Variants in FKBP4 observed in about 807,000 individuals in gnomAD.
The protein encoded by FKBP4 is FKBP prolyl isomerase 4, also known as peptidyl-prolyl cis-trans isomerase FKBP4.
A neutral mutation model predicts 54.1 loss-of-function variants in FKBP4; 28 were observed. The observed-to-expected ratio is 0.52, with a 90% CI of 0.38 to 0.71. The LOEUF (loss-of-function observed/expected upper bound fraction) is 0.71. Ranked by LOEUF, FKBP4 falls within the 30% of genes least tolerant of loss-of-function variation. The pLI, the probability that FKBP4 is intolerant of heterozygous loss-of-function variation, is 0.00. For synonymous variants in FKBP4, 223 were observed against 216.1 expected (o/e 1.03, Z -0.28); for missense variants, 493 against 574.4 (o/e 0.86, Z 1.45).
intron 9 of FKBP4, 69 bp downstream of exon 9, chr12:2,801,425 G>T (rs1485099401): frequency 6.3e-7 from 1 of 1,598,358 alleles, no homozygotes; most frequent in Non-Finnish European, 8.6e-7. Flanking sequence ...TGGGCTCTTT[G>T]TGCCTTTGGT....
intron 9 of FKBP4, among the ~76,000 whole-genome samples, chr12:2,802,696 A>T (rs1232823439): frequency 1.3e-5 from 2 of 152,198 alleles, no homozygotes; most frequent in Admixed American, 6.5e-5. Flanking sequence ...GAATAACCTC[A>T]TGAGTTCATA....
intron 1 of FKBP4, chr12:2,796,153 C>T (rs2097901718): frequency 2.4e-6 from 3 of 1,265,384 alleles, no homozygotes; most frequent in Non-Finnish European, 3.1e-6. Flanking sequence ...ATGCCTTCTC[C>T]CCATCCGCTG....
intron 5 of FKBP4, 147 bp from the exon 6 acceptor site, chr12:2,799,703 T>C: frequency 2.9e-6 from 2 of 685,984 alleles, no homozygotes; most frequent in South Asian, 3.6e-5. Context: ...TCTGACAGTG[T>C]GAAGAGGCCA....
At chr12:2,800,340 GC>G in intron 7 of FKBP4, 51 bp from the exon 8 acceptor site, 1 of 1,560,218 alleles carries the variant, frequency 6.4e-7, no homozygotes. Flanking sequence ...GGGTATAAGA[GC>G]CTAGTACCAC....
At chr12:2,801,468 CT>C in intron 9 of FKBP4, 112 bp downstream of exon 9, 1 of 1,500,096 alleles carries the variant, frequency 6.7e-7, no homozygotes, top group South Asian at 1.2e-5. Flanking sequence ...CAGAAGTTGC[CT>C]TTTCCCTGGA....
In FKBP4 at chr12:2,795,012, C is replaced by A. The variant is rs899931907; in HGVS notation, c.-128C>A. 9 of 416,686 alleles carry A rather than the reference C, an allele frequency of 2.2e-5. No homozygotes were observed. The highest frequency in any genetic ancestry group is 1.5e-4 in the African/African-American group (7 of 47,560). 25.8% of individuals were successfully genotyped at this position (416,686 alleles called of 1,614,324 possible). A position where few individuals can be genotyped will look rare whatever the true frequency, so the allele number is the denominator to read the frequency against. On this transcript the variant is annotated 5_prime_UTR_variant, in exon 1 of 10. Transcript: ENST00000001008. The surrounding 1 kb of genome is among the most constrained non-coding windows in gnomAD (Gnocchi z 4.3). ...GCCGCGTGCAGAGGTGCTCAAGCCTCCTCGCGGTCCGCAGTCAGTGCCGCC... is the reference window on the plus strand; with the variant it reads ...GCCGCGTGCAGAGGTGCTCAAGCCTACTCGCGGTCCGCAGTCAGTGCCGCC...
At position 2,795,103 on chromosome 12, in the gene FKBP4, G is replaced by T. The variant is rs369642045; in HGVS notation, c.-37G>T. 1 of 1,256,060 alleles carries T rather than the reference G, an allele frequency of 8.0e-7. No individual in the cohort carries two copies. Among genetic ancestry groups the T allele is most frequent in the East Asian group, 3.0e-5 (1 of 33,188 alleles). The allele number at this position is 1,256,060 out of a possible 1,614,324, so 77.8% of individuals were successfully genotyped here. ...CCGCGGCCCAGAGTGCGCTCGCGCC[G>T]GCACCAGCTCCCGGATAAACGGCGC... On this transcript the variant is annotated 5_prime_UTR_variant, in exon 1 of 10. Transcript: ENST00000001008. This position sits in a 1 kb window ranked among gnomAD's most constrained non-coding sequence, Gnocchi z 4.3.
chr12:2,804,868 CTG>C lies in FKBP4; in HGVS notation c.*1613_*1614del, dbSNP rs2153921219. 5.2e-6 allele frequency: 1 copy of C among 190,892 alleles called. No homozygotes were observed. Among genetic ancestry groups the C allele is most frequent in the South Asian group, 8.4e-5 (1 of 11,928 alleles). 11.8% of individuals were successfully genotyped at this position (190,892 alleles called of 1,614,324 possible). ...ACACCAAGGATGCAGAGAACTGTGA[CTG>C]TGCCACTGCACGCCAGCCTGGGCAA... is the stretch of plus-strand genomic sequence containing the variant. On this transcript the variant is annotated 3_prime_UTR_variant, in exon 10 of 10. Transcript: ENST00000001008.
Position 2,795,162 on chromosome 12 carries a change from C to T in FKBP4, c.23C>T (p.Ala8Val). The T allele has an allele frequency of 7.6e-7, 1 of 1,312,054 alleles. No individual in the cohort carries two copies. The highest frequency in any genetic ancestry group is 9.8e-7 in the Non-Finnish European group (1 of 1,021,858). The allele number at this position is 1,312,054 out of a possible 1,614,324, so 81.3% of individuals were successfully genotyped here. MTAEEMKATESGAQSAPL... is the reference protein window; with the variant it reads MTAEEMKVTESGAQSAPL... ...GAGATGACAGCCGAGGAGATGAAGG[C>T]GACCGAGAGCGGGGCGCAGTCGGCG... The change falls in exon 1 of 10, where the codon GCG (alanine) becomes GTG (valine). Residue 8 changes from alanine to valine, a missense_variant. Coordinates refer to ENST00000001008, the MANE Select transcript of FKBP4 (RefSeq NM_002014.4). This position sits in a 1 kb window ranked among gnomAD's most constrained non-coding sequence, Gnocchi z 4.3.
rs747449207 is a variant in FKBP4 at position 2,803,126 on chromosome 12, C to T, written c.1273-25C>T. 6.6e-6 allele frequency: 10 copies of T among 1,526,332 alleles called. No individual in the cohort carries two copies. The East Asian group carries it at 9.4e-5, about 14-fold the overall frequency. 94.5% of individuals were successfully genotyped at this position (1,526,332 alleles called of 1,614,324 possible). A position where few individuals can be genotyped will look rare whatever the true frequency, so the allele number is the denominator to read the frequency against. On this transcript the variant is annotated intron_variant, in intron 9 of 9. Coordinates refer to ENST00000001008, the MANE Select transcript of FKBP4 (RefSeq NM_002014.4). ...TGTTTTTTCACTTGGGAAGTCAGCC[C>T]GTTTGCTGTTCATCTTCCTTGCAGG...
intron 7 of FKBP4, 126 bp downstream of exon 7, chr12:2,800,248 C>T (rs2097904013): frequency 7.4e-7 from 1 of 1,359,440 alleles, no homozygotes; most frequent in Non-Finnish European, 1.0e-6. Context: ...ATCTTCACTT[C>T]ATATATGTGA....
intron 9 of FKBP4, chr12:2,801,952 C>G (rs546158253): frequency 3.1e-4 from 51 of 162,612 alleles, no homozygotes; most frequent in South Asian, 8.1e-4. Flanking sequence ...TCCCCTAACA[C>G]AGGCAACGTG....
chr12:2,800,167 G>A (rs1222777853), intron 7 of FKBP4, 45 bp downstream of exon 7: 1 of 1,588,914 alleles, frequency 6.3e-7, no homozygotes, highest in Non-Finnish European at 8.6e-7. Context: ...AGGAAGAGTT[G>A]CTCTGAGCCT....
Position 2,801,687 on chromosome 12 carries a change from GA to G in FKBP4, c.1272+332del, listed in dbSNP as rs34505871. The G allele has an allele frequency of 7.2e-3, 3,454 of 482,490 alleles. 15 individuals are homozygous for G. Among genetic ancestry groups the G allele is most frequent in the Non-Finnish European group, 9.9e-3 (2,416 of 244,800 alleles). 29.9% of individuals were successfully genotyped at this position (482,490 alleles called of 1,614,324 possible). ...GAGGATCACTTGAACCCAGTAGGTA[GA>G]GACCTCAGTGACTTAGGATGGCACC... On this transcript the variant is annotated intron_variant, in intron 9 of 9. Transcript: ENST00000001008.
chr12:2,798,782 G>C lies in FKBP4; in HGVS notation c.470G>C (p.Arg157Pro), dbSNP rs1062478. Residue 157 changes from arginine to proline, a missense_variant, in exon 4 of 10, where the codon CGC (arginine) becomes CCC (proline). Coordinates refer to ENST00000001008, the MANE Select transcript of FKBP4 (RefSeq NM_002014.4). This position sits in a 1 kb window ranked among gnomAD's most constrained non-coding sequence, Gnocchi z 4.3. Reference protein sequence around the residue: ...DGGIIRRIQTRGEGYAKPNEG... With the variant: ...DGGIIRRIQTPGEGYAKPNEG... ...GGAATCATTCGCAGAATACAGACTC[G>C]CGGTGAAGGCTATGCTAAGCCCAAT... 6.2e-7 allele frequency: 1 copy of C among 1,614,158 alleles called. No homozygotes were observed. The highest frequency in any genetic ancestry group is 8.5e-7 in the Non-Finnish European group (1 of 1,180,040).
chr12:2,803,255 A>G lies in FKBP4; in HGVS notation c.1377A>G (p.Ala459=), dbSNP rs1325388012. Residue 459 remains alanine (A), a synonymous_variant, in exon 10 of 10, where the codon GCA becomes GCG. Coordinates refer to ENST00000001008, the MANE Select transcript of FKBP4 (RefSeq NM_002014.4). ...GCCAGTCTCAGGTGGAGACAGAAGC[A>G]TAGCCCCTCTCCACCAGCCCTACTC... ...AGSQSQVETE[A] The G allele has an allele frequency of 6.4e-7, 1 of 1,573,860 alleles. No homozygotes were observed. Among genetic ancestry groups the G allele is most frequent in the South Asian group, 1.2e-5 (1 of 86,034 alleles).
Position 2,800,382 on chromosome 12 carries a change from C to T in FKBP4, c.847-10C>T. 6.2e-7 allele frequency: 1 copy of T among 1,603,778 alleles called. No individual in the cohort carries two copies. Among genetic ancestry groups the T allele is most frequent in the South Asian group, 1.1e-5 (1 of 89,026 alleles). On this transcript the variant is annotated splice_polypyrimidine_tract_variant and intron_variant, in intron 7 of 9. Transcript: ENST00000001008. ...CTGTGCCAGGTGCCTGAGCCTCTCTCCCATTCCAGGAAGGTAAATACAAGC... is the reference window on the plus strand; with the variant it reads ...CTGTGCCAGGTGCCTGAGCCTCTCTTCCATTCCAGGAAGGTAAATACAAGC...
rs2097906449 is a variant in FKBP4 at position 2,804,370 on chromosome 12, C to T, written c.*1112C>T. ...ATTTTGGTTTGTTAACAAGGTAAAACTCCTGGTGTCACTGACCTCCTCCTG... is the reference window on the plus strand; with the variant it reads ...ATTTTGGTTTGTTAACAAGGTAAAATTCCTGGTGTCACTGACCTCCTCCTG... On this transcript the variant is annotated 3_prime_UTR_variant, in exon 10 of 10. Transcript: ENST00000001008. 6.6e-6 allele frequency: 1 copy of T among 152,240 alleles called. No homozygotes were observed. Among genetic ancestry groups the T allele is most frequent in the Admixed American group, 6.5e-5 (1 of 15,282 alleles). The allele number at this position is 152,240 out of a possible 1,614,324, so 9.4% of individuals were successfully genotyped here.
intron 8 of FKBP4, 25 bp from the exon 9 acceptor site, chr12:2,801,092 G>A: frequency 1.2e-6 from 2 of 1,611,812 alleles, no homozygotes; most frequent in Non-Finnish European, 1.7e-6. Flanking sequence ...CTCCCACAAT[G>A]TGGCTTCCTC....
Sources: allele counts gnomAD v4.1 joint callset (sites outside exome capture counted in the v4.1 genomes callset), GRCh38; gene constraint gnomAD v4.1.1; non-coding constraint Gnocchi (gnomAD v3.1); transcripts MANE v1.5; gene names NCBI Gene and HGNC (gene_info 2026-07-23, HGNC 2026-07-21).